REPS1: variants seen among roughly 807,000 people sequenced by gnomAD.
REPS1 encodes the protein RALBP1 associated Eps domain containing 1.
REPS1 carries 39 observed loss-of-function variants against 100.9 expected under a neutral mutation model. The ratio of observed to expected loss-of-function variants is 0.39; its 90% CI spans 0.30 to 0.50. The LOEUF (loss-of-function observed/expected upper bound fraction) is 0.50. Among genes scored for constraint, REPS1 ranks in the 20% least tolerant of loss-of-function variants. The pLI is 0.86. For synonymous variants in REPS1, 324 were observed against 340.3 expected, an observed-to-expected ratio of 0.95 and a Z score of 0.53; for missense variants, 821 against 968.5, an observed-to-expected ratio of 0.85 and a Z score of 2.02.
At position 138,922,007 on chromosome 6, in the gene REPS1, G is replaced by T. The variant is rs561694151; in HGVS notation, c.1339-883C>A. Among the ~76,000 whole-genome samples the T allele has an allele frequency of 2.0e-5, 3 of 150,012 alleles. No individual in the cohort carries two copies. The South Asian group carries it at 6.3e-4, about 31-fold the overall frequency. On this transcript the variant is annotated intron_variant, in intron 10 of 19. Transcript: ENST00000450536. ...TGTGTGTGTGTGTGTGTGTGTGTGA[G>T]ATTTACATTTAAAAAATGCTCTTAT... is the stretch of plus-strand genomic sequence containing the variant.
intron 1 of REPS1, among the ~76,000 whole-genome samples, chr6:138,969,644 C>T (rs1354617771): frequency 1.3e-5 from 2 of 151,916 alleles, no homozygotes; most frequent in African/African-American, 2.4e-5. Context: ...GCTTTGCCAT[C>T]GCATGAAACT....
intron 1 of REPS1, among the ~76,000 whole-genome samples, chr6:138,963,591 A>G (rs538334381): frequency 1.3e-5 from 2 of 152,122 alleles, no homozygotes; most frequent in African/African-American, 2.4e-5. Flanking sequence ...ATAATAAACA[A>G]TGTTTGCTTT....
chr6:138,951,537 T>C (rs1450254184), intron 1 of REPS1, among the ~76,000 whole-genome samples: 1 of 152,188 alleles, frequency 6.6e-6, no homozygotes, highest in Non-Finnish European at 1.5e-5. Flanking sequence ...TTAGAACAAT[T>C]AAGTTTTAAA....
intron 8 of REPS1, among the ~76,000 whole-genome samples, chr6:138,937,078 T>C (rs1171258777): frequency 6.6e-6 from 1 of 151,542 alleles, no homozygotes. Context: ...CTTACATGGA[T>C]GGCAGGAGGC....
At position 138,945,197 on chromosome 6, in the gene REPS1, TAATC is replaced by T. The variant is rs765349589; in HGVS notation, c.628+18_628+21del. ...CAGCCTGGGCAACACAATGACACTC[TAATC>T]AATCAATCTCTAAATACCTGATTGT... On this transcript the variant is annotated intron_variant, in intron 4 of 19. Transcript: ENST00000450536. The T allele has an allele frequency of 7.0e-6, 11 of 1,581,928 alleles. No homozygotes were observed. In the South Asian group the frequency reaches 1.0e-4, roughly 15 times the overall value.
chr6:138,955,198 C>G (rs1057305311), intron 1 of REPS1, among the ~76,000 whole-genome samples: 8 of 151,800 alleles, frequency 5.3e-5, no homozygotes, highest in African/African-American at 1.7e-4. Flanking sequence ...ACCTGTAATC[C>G]CAATATTTTG....
At chr6:138,945,725 C>A (rs1385516136) in intron 2 of REPS1, 28 bp from the exon 3 acceptor site, 2 of 1,478,528 alleles carry the variant, frequency 1.4e-6, no homozygotes, top group Admixed American at 2.4e-5. Flanking sequence ...ATCATTACTT[C>A]AAAATAAAAA....
At chr6:138,930,402 T>TA (rs1174247942) in intron 8 of REPS1, among the ~76,000 whole-genome samples, 1 of 152,138 alleles carries the variant, frequency 6.6e-6, no homozygotes, top group East Asian at 1.9e-4. Flanking sequence ...ATAACAGAAA[T>TA]AGATTTATAC....
chr6:138,976,802 T>C (rs1439607883), intron 1 of REPS1, among the ~76,000 whole-genome samples: 1 of 152,178 alleles, frequency 6.6e-6, no homozygotes, highest in Non-Finnish European at 1.5e-5. Flanking sequence ...AGTGAATAAA[T>C]GTTAGCTTGA....
Position 138,943,557 on chromosome 6 carries a change from A to C in REPS1, c.936T>G (p.Phe312Leu). The change falls in exon 7 of 20, where the codon TTT (phenylalanine) becomes TTG (leucine). Residue 312 changes from phenylalanine to leucine, a missense_variant. By Grantham distance (22) the Phe-to-Leu change is conservative. Around this residue, in one of 3 missense-constraint regions of REPS1, gnomAD observed 757 missense variants for 866.4 expected, o/e 0.87. Coordinates refer to ENST00000450536, the MANE Select transcript of REPS1 (RefSeq NM_001286611.2). ...GAATAGGAAGTTTTGATTTTGTAAA[A>C]AACTCTTTAGCTGCAGATCCTGAAA... ...GFIPGSAAKE[F>L]FTKSKLPILE... 6.3e-7 allele frequency: 1 copy of C among 1,590,484 alleles called. No individual in the cohort carries two copies. Among genetic ancestry groups the C allele is most frequent in the Non-Finnish European group, 8.6e-7 (1 of 1,159,746 alleles).
chr6:138,904,788 G>T lies in REPS1; in HGVS notation c.*276C>A, dbSNP rs12619. 122,385 of 273,496 alleles carry T rather than the reference G, an allele frequency of 0.45. 27,962 individuals carry two copies. Among genetic ancestry groups the T allele is most frequent in the Admixed American group, 0.54 (10,980 of 20,156 alleles). The allele number at this position is 273,496 out of a possible 1,614,324, so 16.9% of individuals were successfully genotyped here. ...TAAATTAAATTGGTGTGTGGTATTA[G>T]CCATAGAAGCATTGCATATCCCAGA... On this transcript the variant is annotated 3_prime_UTR_variant, in exon 20 of 20. Transcript: ENST00000450536.
chr6:138,912,064 G>A (rs1009196125), intron 16 of REPS1, among the ~76,000 whole-genome samples: 3 of 152,074 alleles, frequency 2.0e-5, no homozygotes, highest in Non-Finnish European at 2.9e-5. Flanking sequence ...TAATGGGCAC[G>A]GCAGAAAGTT....
intron 9 of REPS1, chr6:138,929,667 T>C (rs538726928): frequency 1.9e-4 from 39 of 210,664 alleles, no homozygotes; most frequent in Non-Finnish European, 3.1e-4. Context: ...GTTCAAATCC[T>C]AGCTCTCGTC....
chr6:138,972,730 T>C (rs1784406266), intron 1 of REPS1, among the ~76,000 whole-genome samples: 1 of 151,516 alleles, frequency 6.6e-6, no homozygotes, highest in Non-Finnish European at 1.5e-5. Flanking sequence ...GAAGTAACGA[T>C]TGCTTAAAGT....
chr6:138,916,682 T>C (rs1225172400), intron 13 of REPS1, among the ~76,000 whole-genome samples: 1 of 152,196 alleles, frequency 6.6e-6, no homozygotes, highest in East Asian at 1.9e-4. Context: ...AAGTTCTGGA[T>C]TTTGGTAAGC....
chr6:138,986,889 C>T (rs1013169872), intron 1 of REPS1, among the ~76,000 whole-genome samples: 2 of 152,230 alleles, frequency 1.3e-5, no homozygotes, highest in Non-Finnish European at 2.9e-5. Context: ...ATCTCCCAAC[C>T]CAAATCCACA....
intron 17 of REPS1, among the ~76,000 whole-genome samples, chr6:138,910,193 T>C (rs1352810189): frequency 1.3e-5 from 2 of 152,156 alleles, no homozygotes; most frequent in Non-Finnish European, 2.9e-5. Context: ...GAGAGCTGGC[T>C]GTTTAAAGAG....
intron 2 of REPS1, among the ~76,000 whole-genome samples, chr6:138,946,954 G>C: frequency 6.6e-6 from 1 of 151,944 alleles, no homozygotes; most frequent in Non-Finnish European, 1.5e-5. Flanking sequence ...TCATGGGGGC[G>C]GTTCCCCCAT....
chr6:138,925,302 G>C (rs936406101), intron 10 of REPS1, among the ~76,000 whole-genome samples: 1 of 152,170 alleles, frequency 6.6e-6, no homozygotes, highest in African/African-American at 2.4e-5. Context: ...AGGAGGCAGA[G>C]GTTGCAGTGA....
Sources: gnomAD v4.1 joint callset for allele counts (sites outside exome capture counted in the v4.1 genomes callset) on GRCh38, gnomAD v4.1.1 for gene constraint, gnomAD v4.1.1 regional missense constraint, MANE v1.5 for transcripts, NCBI Gene and HGNC (gene_info 2026-07-23, HGNC 2026-07-21) for gene names.